The following MPZL3 variants were observed in gnomAD, a reference collection of about 807,000 sequenced individuals.
MPZL3 encodes the protein myelin protein zero-like protein 3.
MPZL3 carries 23 observed loss-of-function variants against 24.8 expected under a neutral mutation model. The observed-to-expected ratio is 0.93, with a 90% CI of 0.67 to 1.31. The LOEUF is 1.31. MPZL3 is among the 40% of genes most tolerant of loss of function. MPZL3 has a pLI of 0.00. For synonymous variants in MPZL3, 99 were observed against 106.5 expected, an observed-to-expected ratio of 0.93 and a Z score of 0.44; for missense variants, 277 against 294.9, an observed-to-expected ratio of 0.94 and a Z score of 0.44.
intron 1 of MPZL3, among the ~76,000 whole-genome samples, chr11:118,248,798 G>A (rs1331345592): frequency 6.6e-6 from 1 of 152,002 alleles, no homozygotes; most frequent in Admixed American, 6.6e-5. Flanking sequence ...CTTTGGTATG[G>A]AGCAAAGAAA....
At chr11:118,237,689 C>T (rs769869936) in intron 2 of MPZL3, among the ~76,000 whole-genome samples, 21 of 152,092 alleles carry the variant, frequency 1.4e-4, no homozygotes, top group Non-Finnish European at 2.9e-4. Flanking sequence ...CTCAAAATGT[C>T]AACAGTGCCA....
At chr11:118,252,098 T>TC (rs1949625837) in intron 1 of MPZL3, 124 bp downstream of exon 1, 9 of 915,586 alleles carry the variant, frequency 9.8e-6, no homozygotes, top group Non-Finnish European at 1.6e-5. Flanking sequence ...TCCCGCTCCC[T>TC]CCCTCCTTCC....
At chr11:118,250,783 C>T (rs1416461219) in intron 1 of MPZL3, among the ~76,000 whole-genome samples, 1 of 152,070 alleles carries the variant, frequency 6.6e-6, no homozygotes, top group Admixed American at 6.6e-5. Flanking sequence ...CGGAGTTTCA[C>T]TATGTTGGTC....
In MPZL3 at chr11:118,227,658, A is replaced by G. The variant is rs935022045; in HGVS notation, c.*2236T>C. 2 of 152,252 alleles carry G rather than the reference A, an allele frequency of 1.3e-5. No homozygotes were observed. Among genetic ancestry groups the G allele is most frequent in the African/African-American group, 4.8e-5 (2 of 41,464 alleles). 9.4% of individuals were successfully genotyped at this position (152,252 alleles called of 1,614,324 possible). A position where few individuals can be genotyped will look rare whatever the true frequency, so the allele number is the denominator to read the frequency against. On this transcript the variant is annotated 3_prime_UTR_variant, in exon 6 of 6. Coordinates refer to ENST00000278949, the MANE Select transcript of MPZL3 (RefSeq NM_198275.3). Reference sequence around the variant, plus strand: ...TAGTTCAAATCATGATTAAGGCTATAAAAGAACACGACTGAGTATTCACAG... The same window carrying G: ...TAGTTCAAATCATGATTAAGGCTATGAAAGAACACGACTGAGTATTCACAG...
chr11:118,231,833 TG>T (rs1168975747), intron 5 of MPZL3, among the ~76,000 whole-genome samples: 2 of 152,164 alleles, frequency 1.3e-5, no homozygotes, highest in Non-Finnish European at 2.9e-5. Flanking sequence ...ACCACCACCC[TG>T]GTCCAAACTA....
intron 1 of MPZL3, among the ~76,000 whole-genome samples, chr11:118,248,554 A>C (rs1017644520): frequency 6.6e-6 from 1 of 152,134 alleles, no homozygotes; most frequent in Admixed American, 6.5e-5. Flanking sequence ...TTTTGTTGAA[A>C]TCTAAATACT....
At chr11:118,246,750 A>G (rs1219689568) in intron 1 of MPZL3, among the ~76,000 whole-genome samples, 1 of 151,528 alleles carries the variant, frequency 6.6e-6, no homozygotes, top group African/African-American at 2.4e-5. Context: ...ACACCTGGCT[A>G]ATTTTTTGTA....
chr11:118,229,622 G>T lies in MPZL3; in HGVS notation c.*272C>A, dbSNP rs1949322454. The T allele has an allele frequency of 1.7e-5, 6 of 345,348 alleles. No homozygotes were observed. The highest frequency in any genetic ancestry group is 2.6e-5 in the Non-Finnish European group (5 of 190,454). 21.4% of individuals were successfully genotyped at this position (345,348 alleles called of 1,614,324 possible). A position where few individuals can be genotyped will look rare whatever the true frequency, so the allele number is the denominator to read the frequency against. Reference sequence around the variant, plus strand: ...AAGATGAATCAAAAAGTATCTTTTTGCTCAGGAAAAGAATTTCTTCATTCA... The same window carrying T: ...AAGATGAATCAAAAAGTATCTTTTTTCTCAGGAAAAGAATTTCTTCATTCA... On this transcript the variant is annotated 3_prime_UTR_variant, in exon 6 of 6. Coordinates refer to ENST00000278949, the MANE Select transcript of MPZL3 (RefSeq NM_198275.3).
intron 4 of MPZL3, among the ~76,000 whole-genome samples, chr11:118,234,901 C>A (rs1056690878): frequency 1.3e-5 from 2 of 152,102 alleles, no homozygotes; most frequent in African/African-American, 4.8e-5. Context: ...ATCATGCCTG[C>A]TTACTGGCAG....
At chr11:118,233,627 C>T in intron 4 of MPZL3, 104 bp from the exon 5 acceptor site, 1 of 1,163,414 alleles carries the variant, frequency 8.6e-7, no homozygotes, top group Non-Finnish European at 1.3e-6. Flanking sequence ...TTTTAGATTC[C>T]AGTTCTTCCA....
At chr11:118,248,793 G>A (rs1055318774) in intron 1 of MPZL3, among the ~76,000 whole-genome samples, 1 of 151,968 alleles carries the variant, frequency 6.6e-6, no homozygotes, top group Non-Finnish European at 1.5e-5. Flanking sequence ...GAAGACTTTG[G>A]TATGGAGCAA....
At chr11:118,233,649 G>A (rs1565491673) in intron 4 of MPZL3, 126 bp from the exon 5 acceptor site, 2 of 921,040 alleles carry the variant, frequency 2.2e-6, no homozygotes, top group Non-Finnish European at 3.4e-6. Flanking sequence ...TCACTAGCTG[G>A]GTGACTGGGC....
intron 5 of MPZL3, among the ~76,000 whole-genome samples, chr11:118,230,548 C>A (rs973471887): frequency 2.0e-5 from 3 of 152,160 alleles, no homozygotes; most frequent in African/African-American, 7.2e-5. Flanking sequence ...TTCATTACTT[C>A]TAACTTCAAG....
chr11:118,246,049 C>T (rs1486349555), intron 1 of MPZL3, among the ~76,000 whole-genome samples: 1 of 152,206 alleles, frequency 6.6e-6, no homozygotes, highest in Admixed American at 6.5e-5. Flanking sequence ...CCAACCAACT[C>T]CACCACTGAC....
intron 3 of MPZL3, 142 bp downstream of exon 3, chr11:118,236,908 G>T: frequency 1.6e-6 from 1 of 630,936 alleles, no homozygotes; most frequent in Non-Finnish European, 2.7e-6. Context: ...TATTGGGATG[G>T]CAGAAAAATT....
In MPZL3 at chr11:118,227,986, G is replaced by A. The variant is rs141503473; in HGVS notation, c.*1908C>T. On this transcript the variant is annotated 3_prime_UTR_variant, in exon 6 of 6. Coordinates refer to ENST00000278949, the MANE Select transcript of MPZL3 (RefSeq NM_198275.3). The stretch of plus-strand genomic sequence containing the variant: ...CTGTTGAGGTGTCAGAAATGGTCAC[G>A]TTAGATTGGCCTCAGACAACCACAA... 13 of 152,230 alleles carry A rather than the reference G, an allele frequency of 8.5e-5. No individual in the cohort carries two copies. Among genetic ancestry groups the A allele is most frequent in the South Asian group, 4.1e-4 (2 of 4,826 alleles). 9.4% of individuals were successfully genotyped at this position (152,230 alleles called of 1,614,324 possible). A position where few individuals can be genotyped will look rare whatever the true frequency, so the allele number is the denominator to read the frequency against.
At chr11:118,248,083 T>TG (rs1949575803) in intron 1 of MPZL3, among the ~76,000 whole-genome samples, 1 of 146,012 alleles carries the variant, frequency 6.8e-6, no homozygotes, top group Admixed American at 6.8e-5. Flanking sequence ...TTTTTTTTTT[T>TG]TTTTTTTTTT....
chr11:118,233,587 A>G, intron 4 of MPZL3, 64 bp from the exon 5 acceptor site: 1 of 1,540,130 alleles, frequency 6.5e-7, no homozygotes, highest in Non-Finnish European at 9.0e-7. Flanking sequence ...AGCAGTTGAA[A>G]GTACAGGTGT....
chr11:118,229,911 A>G lies in MPZL3; in HGVS notation c.691T>C (p.Tyr231His). Reference protein sequence around the residue: ...VRCAECLDSDYEETY With the variant: ...VRCAECLDSDHEETY ...GACTTTCATCAATATGTCTCTTCAT[A>G]GTCTGAATCCTGGAGGGAGCAAAAC... The change falls in exon 6 of 6, where the codon TAT becomes CAT. Residue 231 changes from tyrosine (Y) to histidine (H), a missense_variant. Tyr to His is a moderately conservative substitution (Grantham distance 83, BLOSUM62 2). Transcript: ENST00000278949. 6.2e-7 allele frequency: 1 copy of G among 1,613,500 alleles called. No homozygotes were observed. Among genetic ancestry groups the G allele is most frequent in the Non-Finnish European group, 8.5e-7 (1 of 1,179,692 alleles).
Sources: allele counts gnomAD v4.1 joint callset (sites outside exome capture counted in the v4.1 genomes callset), GRCh38; gene constraint gnomAD v4.1.1; transcripts MANE v1.5; gene names NCBI Gene and HGNC (gene_info 2026-07-23, HGNC 2026-07-21).